PLD5: variants seen among roughly 807,000 people sequenced by gnomAD.
The protein encoded by PLD5 is phospholipase D family member 5.
In PLD5, 36 loss-of-function variants were observed where a neutral mutation model predicts 61.1. That is an observed-to-expected ratio of 0.59 (90% CI 0.45 to 0.78). The LOEUF (loss-of-function observed/expected upper bound fraction) is 0.78. Among genes scored for constraint, PLD5 ranks in the 30% least tolerant of loss-of-function variants. The pLI is 0.00. For synonymous variants in PLD5, 243 were observed against 242.8 expected (o/e 1.00, Z -0.01); for missense variants, 515 against 644.4 (o/e 0.80, Z 2.17).
chr1:242,420,366 A>C (rs1406473472), intron 1 of PLD5, among the ~76,000 whole-genome samples: 1 of 152,110 alleles, frequency 6.6e-6, no homozygotes, highest in African/African-American at 2.4e-5. Flanking sequence ...TCTGGTAGGC[A>C]AAGTCAGCAC....
intron 5 of PLD5, among the ~76,000 whole-genome samples, chr1:242,165,355 T>C (rs1666224441): frequency 6.6e-6 from 1 of 151,372 alleles, no homozygotes; most frequent in Non-Finnish European, 1.5e-5. Context: ...AAAAAGACTG[T>C]TCACATCCTT....
chr1:242,437,987 T>A (rs1666083301), intron 1 of PLD5, among the ~76,000 whole-genome samples: 1 of 152,356 alleles, frequency 6.6e-6, no homozygotes, highest in East Asian at 1.9e-4. Context: ...CCTTTCATTT[T>A]AAAAATTTGC....
intron 1 of PLD5, chr1:242,376,991 T>C (rs1572010858): frequency 2.5e-6 from 4 of 1,611,786 alleles, no homozygotes; most frequent in Non-Finnish European, 3.4e-6. Flanking sequence ...TGTGAGTATT[T>C]GAGGCAGCTT....
chr1:242,428,209 T>C (rs1003304018), intron 1 of PLD5, among the ~76,000 whole-genome samples: 2 of 152,198 alleles, frequency 1.3e-5, no homozygotes, highest in African/African-American at 4.8e-5. Context: ...CAGTGAGCGT[T>C]TAAAATAAAT....
intron 5 of PLD5, among the ~76,000 whole-genome samples, chr1:242,208,860 C>T (rs2341224): frequency 0.5 from 76,589 of 151,940 alleles, 20,551 homozygotes; most frequent in East Asian, 0.76. Flanking sequence ...AAAATACACA[C>T]TGATGAAGTT....
rs147011306 is a variant in PLD5, at chr1:242,163,147, C to CTTTT, written c.736-38483_736-38482insAAAA. On this transcript the variant is annotated intron_variant, in intron 5 of 9. Transcript: ENST00000536534. ...CAAGTCTTTTATTTTCTTTTCTTTT[C>CTTTT]TTTCTTTTCTTGAGACGACGGAGTC... Among the ~76,000 whole-genome samples the CTTTT allele has an allele frequency of 1.7e-3, 247 of 142,012 alleles. 9 individuals are homozygous for CTTTT. Among genetic ancestry groups the CTTTT allele is most frequent in the Non-Finnish European group, 2.0e-3 (134 of 65,894 alleles). The allele number at this position is 142,012 out of a possible 152,430, so 93.2% of individuals were successfully genotyped here.
chr1:242,423,104 A>G (rs1665237195), intron 1 of PLD5, among the ~76,000 whole-genome samples: 1 of 151,720 alleles, frequency 6.6e-6, no homozygotes, highest in African/African-American at 2.4e-5. Context: ...TCCTGCCTCG[A>G]CCTCCCAAAA....
At chr1:242,459,878 A>T (rs1013398196) in intron 1 of PLD5, among the ~76,000 whole-genome samples, 3 of 152,128 alleles carry the variant, frequency 2.0e-5, no homozygotes, top group Admixed American at 1.3e-4. Context: ...TATGGATAAG[A>T]TAGGGCTATA....
intron 7 of PLD5, among the ~76,000 whole-genome samples, chr1:242,111,456 C>T (rs1156367409): frequency 4.6e-5 from 7 of 152,056 alleles, no homozygotes; most frequent in Admixed American, 3.3e-4. Flanking sequence ...AACACTATTG[C>T]TAAATAATAG....
chr1:242,113,084 CTTTTTT>C (rs71570931), intron 7 of PLD5, among the ~76,000 whole-genome samples: 3,889 of 110,642 alleles, frequency 0.035, 88 homozygotes, highest in African/African-American at 0.082. Flanking sequence ...CTCTCTCTCT[CTTTTTT>C]TTTTTTTTTT....
intron 6 of PLD5, among the ~76,000 whole-genome samples, chr1:242,123,397 A>G (rs1662531852): frequency 6.6e-6 from 1 of 152,242 alleles, no homozygotes; most frequent in South Asian, 2.1e-4. Flanking sequence ...CTCTTACTCC[A>G]GTTCAGGGTC....
intron 1 of PLD5, among the ~76,000 whole-genome samples, chr1:242,503,463 T>C (rs187928721): frequency 4.8e-4 from 73 of 152,290 alleles, no homozygotes; most frequent in African/African-American, 1.7e-3. Flanking sequence ...TAAAACTCTT[T>C]TCTTTGTAAA....
chr1:242,445,385 A>G (rs543337864), intron 1 of PLD5, among the ~76,000 whole-genome samples: 2 of 152,298 alleles, frequency 1.3e-5, no homozygotes, highest in East Asian at 1.9e-4. Flanking sequence ...TCTGTCCTCC[A>G]GGCTGGAGTG....
chr1:242,156,026 G>A (rs138148865), intron 5 of PLD5, among the ~76,000 whole-genome samples: 2 of 152,274 alleles, frequency 1.3e-5, no homozygotes, highest in Non-Finnish European at 2.9e-5. Flanking sequence ...TTATGCATCT[G>A]GGTGTTCCTG....
At chr1:242,366,387 T>C (rs538808281) in intron 1 of PLD5, among the ~76,000 whole-genome samples, 2 of 152,310 alleles carry the variant, frequency 1.3e-5, no homozygotes, top group African/African-American at 4.8e-5. Context: ...AGTTTTCTTA[T>C]TTTCCCATGC....
chr1:242,120,047 T>G (rs1477372551), intron 6 of PLD5, among the ~76,000 whole-genome samples: 1 of 152,108 alleles, frequency 6.6e-6, no homozygotes, highest in African/African-American at 2.4e-5. Context: ...CTTGAAGGCA[T>G]TATGTTAGGT....
At chr1:242,399,768 C>T (rs2149276916) in intron 1 of PLD5, among the ~76,000 whole-genome samples, 1 of 152,284 alleles carries the variant, frequency 6.6e-6, no homozygotes, top group East Asian at 1.9e-4. Context: ...GCCAGCATCA[C>T]CTCCTGAGCT....
At chr1:242,115,664 A>AAAAAAAAAAAATAG (rs770237708) in intron 6 of PLD5, among the ~76,000 whole-genome samples, 1 of 151,300 alleles carries the variant, frequency 6.6e-6, no homozygotes, top group African/African-American at 2.4e-5. Flanking sequence ...TCTAAAAAAA[A>AAAAAAAAAAAATAG]AAAAATCTTG....
intron 3 of PLD5, among the ~76,000 whole-genome samples, chr1:242,271,433 A>T (rs61600913): frequency 2.0e-3 from 299 of 152,340 alleles, no homozygotes; most frequent in African/African-American, 7.0e-3. Context: ...TTTGAAAAAA[A>T]CTTAGAGCTA....
Sources: gnomAD v4.1 joint callset for allele counts (sites outside exome capture counted in the v4.1 genomes callset) on GRCh38, gnomAD v4.1.1 for gene constraint, MANE v1.5 for transcripts, NCBI Gene and HGNC (gene_info 2026-07-23, HGNC 2026-07-21) for gene names.